The following NFIA variants were observed in gnomAD, a reference collection of about 807,000 sequenced individuals.
The protein encoded by NFIA is nuclear factor I A, also known as nuclear factor 1 A-type.
A neutral mutation model predicts 62.8 loss-of-function variants in NFIA; 8 were observed. The observed-to-expected ratio is 0.13, with a 90% CI of 0.07 to 0.23. NFIA has a LOEUF of 0.23. NFIA is among the 10% of genes least tolerant of loss of function. NFIA has a pLI of 1.00. For synonymous variants in NFIA, 235 were observed against 238.1 expected (o/e 0.99, Z 0.12); for missense variants, 410 against 642.1 (o/e 0.64, Z 3.91).
chr1:61,163,633 A>G (rs1202681116), intron 2 of NFIA, among the ~76,000 whole-genome samples: 6 of 152,152 alleles, frequency 3.9e-5, no homozygotes, highest in African/African-American at 1.4e-4. Context: ...GTGCCTGTTG[A>G]AAAAGTTAGT....
chr1:61,212,775 T>C (rs531059574), intron 2 of NFIA, among the ~76,000 whole-genome samples: 2 of 152,330 alleles, frequency 1.3e-5, no homozygotes, highest in Admixed American at 1.3e-4. Context: ...GTGTCTGGGT[T>C]GCAGCCCAGA....
At chr1:61,451,617 C>T (rs923049516) in intron 10 of NFIA, among the ~76,000 whole-genome samples, 4 of 152,202 alleles carry the variant, frequency 2.6e-5, no homozygotes, top group Non-Finnish European at 5.9e-5. Flanking sequence ...ACTAATTTTA[C>T]GTAACTGGAG....
chr1:61,324,928 A>G (rs1042113085), intron 3 of NFIA, among the ~76,000 whole-genome samples: 5 of 152,176 alleles, frequency 3.3e-5, no homozygotes, highest in Admixed American at 6.5e-5. Flanking sequence ...TCTGTGCTCT[A>G]ATTGGGAATT....
At chr1:61,443,838 G>A (rs906354004) in intron 10 of NFIA, among the ~76,000 whole-genome samples, 1 of 152,110 alleles carries the variant, frequency 6.6e-6, no homozygotes, top group Non-Finnish European at 1.5e-5. Flanking sequence ...CCCTTGCTTA[G>A]CAACAAGATT....
intron 2 of NFIA, among the ~76,000 whole-genome samples, chr1:61,235,101 G>A (rs190980965): frequency 1.8e-3 from 270 of 152,276 alleles, no homozygotes; most frequent in African/African-American, 6.3e-3. Flanking sequence ...AGGCATAATG[G>A]ACAGGAGGAC....
At chr1:61,235,255 G>A (rs1654920476) in intron 2 of NFIA, among the ~76,000 whole-genome samples, 1 of 152,022 alleles carries the variant, frequency 6.6e-6, no homozygotes, top group Non-Finnish European at 1.5e-5. Context: ...GAGGTCAGGA[G>A]ATCGAGACCA....
chr1:61,317,126 T>G (rs1660406118), intron 3 of NFIA, among the ~76,000 whole-genome samples: 1 of 152,132 alleles, frequency 6.6e-6, no homozygotes, highest in Non-Finnish European at 1.5e-5. Flanking sequence ...GCATGGCATA[T>G]TTAGTTATCA....
intron 2 of NFIA, among the ~76,000 whole-genome samples, chr1:61,173,620 C>G (rs1242301038): frequency 2.0e-5 from 3 of 152,074 alleles, no homozygotes; most frequent in Admixed American, 6.6e-5. Flanking sequence ...GAACTGCTGG[C>G]CTCAAGTGAT....
At chr1:61,238,639 C>G (rs943641584) in intron 2 of NFIA, among the ~76,000 whole-genome samples, 6 of 152,104 alleles carry the variant, frequency 3.9e-5, no homozygotes, top group African/African-American at 1.4e-4. Flanking sequence ...CTGAGAAGAC[C>G]TAAGTTTGGC....
At chr1:61,362,464 C>T (rs1663349121) in intron 6 of NFIA, among the ~76,000 whole-genome samples, 1 of 152,128 alleles carries the variant, frequency 6.6e-6, no homozygotes, top group African/African-American at 2.4e-5. Flanking sequence ...GTTTACCTGC[C>T]TTAAAATGCT....
At position 61,201,048 on chromosome 1, in the gene NFIA, G is replaced by A. The variant is rs916592547; in HGVS notation, c.560-76472G>A. 5.9e-5 allele frequency among the ~76,000 whole-genome samples: 9 copies of A among 152,098 alleles called. No homozygotes were observed. The South Asian group carries it at 8.3e-4, about 14-fold the overall frequency. On this transcript the variant is annotated intron_variant, in intron 2 of 10. Transcript: ENST00000403491. ...AAGGGAAAACAACGACTCCCTCTAC[G>A]TTTTATTTTAAAATAGAAAATTCTG...
At chr1:61,204,870 T>G (rs1652792313) in intron 2 of NFIA, among the ~76,000 whole-genome samples, 2 of 152,120 alleles carry the variant, frequency 1.3e-5, no homozygotes, top group Non-Finnish European at 2.9e-5. Flanking sequence ...AGGTAGAGCT[T>G]TTTTCTCTAA....
chr1:61,184,149 AAAAC>A (rs1650970337), intron 2 of NFIA, among the ~76,000 whole-genome samples: 7 of 151,174 alleles, frequency 4.6e-5, no homozygotes, highest in South Asian at 2.1e-4. Flanking sequence ...AAAACCCAAA[AAAAC>A]AAAACAAAAC....
At chr1:61,149,056 T>C (rs1332102045) in intron 2 of NFIA, among the ~76,000 whole-genome samples, 1 of 43,630 alleles carries the variant, frequency 2.3e-5, no homozygotes, top group Admixed American at 4.2e-4. Context: ...TTTCTTTCTT[T>C]CTTTTTTTTT....
At chr1:61,178,328 C>T (rs111393555) in intron 2 of NFIA, among the ~76,000 whole-genome samples, 31 of 152,048 alleles carry the variant, frequency 2.0e-4, no homozygotes, top group African/African-American at 6.5e-4. Context: ...AATTTTTTTC[C>T]TCTTTAACAT....
intron 7 of NFIA, among the ~76,000 whole-genome samples, chr1:61,395,734 G>T (rs750263155): frequency 6.6e-6 from 1 of 152,114 alleles, no homozygotes; most frequent in Non-Finnish European, 1.5e-5. Flanking sequence ...TGAGAATATG[G>T]TCAATTTTGA....
At chr1:61,231,215 G>A (rs945121765) in intron 2 of NFIA, among the ~76,000 whole-genome samples, 4 of 152,126 alleles carry the variant, frequency 2.6e-5, no homozygotes, top group Non-Finnish European at 4.4e-5. Flanking sequence ...TGTTTTCTGG[G>A]ACAGTTACTT....
rs774297484 is a variant in NFIA at position 61,306,269 on chromosome 1, C to CTTTTTTTTTTTTTTTTTT, written c.626-26235_626-26218dup. Among the ~76,000 whole-genome samples the CTTTTTTTTTTTTTTTTTT allele has an allele frequency of 2.5e-4, 15 of 60,624 alleles. 1 individual carries two copies. Among genetic ancestry groups the CTTTTTTTTTTTTTTTTTT allele is most frequent in the Admixed American group, 5.4e-4 (2 of 3,700 alleles). The allele number at this position is 60,624 out of a possible 152,430, so 39.8% of individuals were successfully genotyped here. On this transcript the variant is annotated intron_variant, in intron 3 of 10. Transcript: ENST00000403491. ...TCATCCTGGAGACCCAGATTTTGTT[C>CTTTTTTTTTTTTTTTTTT]TTTTTTTTTTTTTTTTTTTTTTTTT...
intron 3 of NFIA, among the ~76,000 whole-genome samples, chr1:61,328,391 A>G (rs1404354153): frequency 6.6e-6 from 1 of 150,540 alleles, no homozygotes; most frequent in Non-Finnish European, 1.5e-5. Context: ...AAAGCTTTTG[A>G]TATTTTTCTC....
Sources: gnomAD v4.1 joint callset for allele counts (sites outside exome capture counted in the v4.1 genomes callset) on GRCh38, gnomAD v4.1.1 for gene constraint, MANE v1.5 for transcripts, NCBI Gene and HGNC (gene_info 2026-07-23, HGNC 2026-07-21) for gene names.